EXOC4: variants seen among roughly 807,000 people sequenced by gnomAD.
EXOC4 encodes SEC8-like 1.
In EXOC4, 71 loss-of-function variants were observed where a neutral mutation model predicts 107.2. The observed-to-expected ratio is 0.66, with a 90% CI of 0.55 to 0.81. The LOEUF (loss-of-function observed/expected upper bound fraction) is 0.81. EXOC4 is among the 30% of genes least tolerant of loss of function. The pLI is 0.00. For missense variants in EXOC4, 1,108 were observed against 1,189.6 expected (o/e 0.93, Z 1.01); for synonymous variants, 456 against 441.2 (o/e 1.03, Z -0.42).
intron 7 of EXOC4, among the ~76,000 whole-genome samples, chr7:133,471,852 G>A (rs570007273): frequency 6.6e-6 from 1 of 152,208 alleles, no homozygotes; most frequent in South Asian, 2.1e-4. Context: ...ATTAAATAAG[G>A]ACTAATAATA....
chr7:134,082,585 C>T, the EXOC4 span, among the ~76,000 whole-genome samples: 1 of 152,188 alleles, frequency 6.6e-6, no homozygotes, highest in Non-Finnish European at 1.5e-5. Flanking sequence ...GGACTACAGG[C>T]ACATGCCACC....
At chr7:134,049,238 T>A (rs1203259500) in intron 17 of EXOC4, among the ~76,000 whole-genome samples, 2 of 152,222 alleles carry the variant, frequency 1.3e-5, no homozygotes, top group Non-Finnish European at 1.5e-5. Context: ...CAAATCTTGG[T>A]AATAATAAAT....
chr7:133,500,215 A>C (rs1162150889), intron 9 of EXOC4, among the ~76,000 whole-genome samples: 1 of 152,192 alleles, frequency 6.6e-6, no homozygotes, highest in East Asian at 1.9e-4. Context: ...GGATATATAC[A>C]CCTGTGAAAA....
At chr7:134,025,767 T>TC (rs1431304725) in intron 17 of EXOC4, among the ~76,000 whole-genome samples, 1 of 152,172 alleles carries the variant, frequency 6.6e-6, no homozygotes, top group African/African-American at 2.4e-5. Context: ...TACTTGGGGC[T>TC]CCCAAAAGCA....
chr7:133,328,425 A>C (rs1272860789), intron 5 of EXOC4, among the ~76,000 whole-genome samples: 3 of 152,138 alleles, frequency 2.0e-5, no homozygotes, highest in Non-Finnish European at 4.4e-5. Flanking sequence ...TAGCCTGTTT[A>C]AATTTAAGGT....
chr7:133,951,691 G>A (rs748301665), intron 14 of EXOC4, among the ~76,000 whole-genome samples: 4 of 152,158 alleles, frequency 2.6e-5, no homozygotes, highest in Non-Finnish European at 4.4e-5. Context: ...TAGATTTTGA[G>A]CTCTTAAATT....
At position 133,895,588 on chromosome 7, in the gene EXOC4, T is replaced by C; in HGVS notation, c.1735-11T>C. On this transcript the variant is annotated splice_polypyrimidine_tract_variant and intron_variant, in intron 11 of 17. Transcript: ENST00000253861. ...GAAATCTCATATCCTCTCTTTGTTGTTCATTTCCAGAGCACAATCATTGTG... is the reference window on the plus strand; with the variant it reads ...GAAATCTCATATCCTCTCTTTGTTGCTCATTTCCAGAGCACAATCATTGTG... 6 of 1,613,292 alleles carry C rather than the reference T, an allele frequency of 3.7e-6. No individual in the cohort carries two copies. The highest frequency in any genetic ancestry group is 5.1e-6 in the Non-Finnish European group (6 of 1,179,470).
chr7:133,571,811 G>A (rs757895808), intron 9 of EXOC4, among the ~76,000 whole-genome samples: 1 of 152,202 alleles, frequency 6.6e-6, no homozygotes, highest in Non-Finnish European at 1.5e-5. Context: ...GACACTCAGG[G>A]GTCCTGACGT....
At chr7:133,687,608 T>C (rs774118439) in intron 10 of EXOC4, among the ~76,000 whole-genome samples, 1 of 152,106 alleles carries the variant, frequency 6.6e-6, no homozygotes, top group African/African-American at 2.4e-5. Flanking sequence ...GGAGATTGAT[T>C]TGAGACTGAG....
intron 9 of EXOC4, among the ~76,000 whole-genome samples, chr7:133,506,872 C>T (rs1022321403): frequency 5.9e-5 from 9 of 151,786 alleles, no homozygotes; most frequent in African/African-American, 1.7e-4. Flanking sequence ...GAATTATTAT[C>T]GAGTCTAAAA....
At chr7:133,338,239 T>C (rs1281814089) in intron 5 of EXOC4, among the ~76,000 whole-genome samples, 1 of 152,190 alleles carries the variant, frequency 6.6e-6, no homozygotes, top group Non-Finnish European at 1.5e-5. Context: ...CATTCATCAC[T>C]GCTTTGAATA....
chr7:133,281,162 T>A (rs1794127147), intron 2 of EXOC4, among the ~76,000 whole-genome samples: 1 of 152,146 alleles, frequency 6.6e-6, no homozygotes, highest in East Asian at 1.9e-4. Flanking sequence ...TTAAAGATGA[T>A]TTGTAGTTCT....
chr7:133,442,115 T>G (rs1226196960), intron 7 of EXOC4, among the ~76,000 whole-genome samples: 1 of 152,232 alleles, frequency 6.6e-6, no homozygotes, highest in Non-Finnish European at 1.5e-5. Flanking sequence ...TTAGCTTATT[T>G]TTTTGTGTAT....
intron 9 of EXOC4, among the ~76,000 whole-genome samples, chr7:133,497,618 A>T (rs1033489310): frequency 4.6e-5 from 7 of 151,900 alleles, no homozygotes; most frequent in African/African-American, 1.7e-4. Flanking sequence ...TTTAGTAGAG[A>T]TGGTGTTTCA....
intron 9 of EXOC4, among the ~76,000 whole-genome samples, chr7:133,567,015 T>G (rs1338432458): frequency 6.6e-6 from 1 of 152,148 alleles, no homozygotes; most frequent in Non-Finnish European, 1.5e-5. Context: ...TTCTTCTCCT[T>G]TTTTAACCTT....
At chr7:133,327,820 C>T (rs186734061) in intron 5 of EXOC4, among the ~76,000 whole-genome samples, 7 of 152,070 alleles carry the variant, frequency 4.6e-5, no homozygotes, top group South Asian at 2.1e-4. Context: ...TTATGATTTC[C>T]GTTCTTTTGC....
At chr7:133,664,658 G>A (rs1241090063) in intron 10 of EXOC4, among the ~76,000 whole-genome samples, 1 of 152,134 alleles carries the variant, frequency 6.6e-6, no homozygotes, top group African/African-American at 2.4e-5. Flanking sequence ...CAAATCCAGA[G>A]ACCTTTGTAG....
chr7:133,347,264 G>A (rs958072657), intron 5 of EXOC4, among the ~76,000 whole-genome samples: 2 of 142,438 alleles, frequency 1.4e-5, no homozygotes, highest in Non-Finnish European at 3.0e-5. Flanking sequence ...TTTTTTGTGA[G>A]GCAGAGTTTT....
chr7:133,779,669 T>TA (rs1256161776), intron 10 of EXOC4, among the ~76,000 whole-genome samples: 2 of 152,128 alleles, frequency 1.3e-5, no homozygotes, highest in Non-Finnish European at 2.9e-5. Context: ...TAGGGGTTTG[T>TA]AAAATGCACC....
Sources: gnomAD v4.1 joint callset for allele counts (sites outside exome capture counted in the v4.1 genomes callset) on GRCh38, gnomAD v4.1.1 for gene constraint, MANE v1.5 for transcripts, NCBI Gene and HGNC (gene_info 2026-07-23, HGNC 2026-07-21) for gene names.